Variants in PCDH11X observed in about 807,000 individuals in gnomAD.
The protein encoded by PCDH11X is protocadherin-11 X-linked.
A neutral mutation model predicts 53.3 loss-of-function variants in PCDH11X; 18 were observed. The ratio of observed to expected loss-of-function variants is 0.34; its 90% confidence interval spans 0.23 to 0.50. The LOEUF is 0.50. Ranked by LOEUF, PCDH11X falls within the 20% of genes least tolerant of loss-of-function variation. The pLI, the probability that PCDH11X is intolerant of heterozygous loss-of-function variation, is 0.98. For missense variants in PCDH11X, 570 were observed against 1,032.4 expected (o/e 0.55, Z 6.14); for synonymous variants, 279 against 393.3 (o/e 0.71, Z 3.44).
intron 10 of PCDH11X, among the ~76,000 whole-genome samples, chrX:92,552,034 A>T (rs1228425951): frequency 1.0e-5 from 1 of 97,065 alleles, no homozygotes; most frequent in Admixed American, 1.2e-4. Flanking sequence ...TAATTTGGGA[A>T]TTTTTGTGAT....
chrX:92,424,199 T>TTTC (rs1491373489), intron 9 of PCDH11X, among the ~76,000 whole-genome samples: 1 of 81,900 alleles, frequency 1.2e-5, no homozygotes, highest in African/African-American at 4.1e-5. Context: ...TTTTTTTTTT[T>TTTC]CCCTTGAGAA....
At chrX:92,012,587 T>A (rs1191367966) in intron 6 of PCDH11X, among the ~76,000 whole-genome samples, 3 of 111,948 alleles carry the variant, frequency 2.7e-5, no homozygotes, top group Non-Finnish European at 5.6e-5. Flanking sequence ...CAGATCTAAG[T>A]ACAATCAGTG....
intron 10 of PCDH11X, among the ~76,000 whole-genome samples, chrX:92,550,002 A>G (rs1428318660): frequency 9.1e-6 from 1 of 110,349 alleles, no homozygotes; most frequent in Non-Finnish European, 1.9e-5. Context: ...ATTATTGTAA[A>G]CTAGAGTAAT....
chrX:91,878,110 G>A lies in PCDH11X; in HGVS notation c.1870G>A (p.Val624Ile). The change falls in exon 6 of 11, where the codon GTC becomes ATC. Residue 624 changes from valine (V) to isoleucine (I), a missense_variant. Transcript: ENST00000682573. ...DDFTIDSQTG[V>I]IRPNISFDRE... ...CTTCACCATTGATTCACAAACTGGTGTCATCCGACCAAATATTTCATTTGA... is the reference window on the plus strand; with the variant it reads ...CTTCACCATTGATTCACAAACTGGTATCATCCGACCAAATATTTCATTTGA... 8 of 1,203,652 alleles carry A rather than the reference G, an allele frequency of 6.6e-6. No individual in the cohort carries two copies. Among genetic ancestry groups the A allele is most frequent in the Non-Finnish European group, 9.0e-6 (8 of 890,765 alleles).
chrX:91,968,288 T>C (rs1479508921), intron 6 of PCDH11X, among the ~76,000 whole-genome samples: 1 of 111,107 alleles, frequency 9.0e-6, no homozygotes, highest in African/African-American at 3.3e-5. Context: ...GTTCACACTG[T>C]TAAGTACTTA....
chrX:92,005,630 T>C (rs1374894564), intron 6 of PCDH11X, among the ~76,000 whole-genome samples: 1 of 112,122 alleles, frequency 8.9e-6, no homozygotes. Context: ...AAGATAATAG[T>C]AGTTTACATG....
chrX:91,811,132 C>T, intron 3 of PCDH11X, 105 bp from the exon 4 acceptor site: 1 of 845,410 alleles, frequency 1.2e-6, no homozygotes, highest in East Asian at 3.6e-5. Flanking sequence ...TATTGAAGCC[C>T]TATCTTTTCA....
At chrX:91,927,791 A>G (rs1602508780) in intron 6 of PCDH11X, among the ~76,000 whole-genome samples, 1 of 111,296 alleles carries the variant, frequency 9.0e-6, no homozygotes, top group Middle Eastern at 4.6e-3. Flanking sequence ...AATCATTCTG[A>G]AAGAGGCAAT....
chrX:92,380,837 A>ACCAT (rs1210282898), intron 8 of PCDH11X, among the ~76,000 whole-genome samples: 2 of 79,510 alleles, frequency 2.5e-5, no homozygotes, highest in Non-Finnish European at 4.7e-5. Flanking sequence ...TACTCCTTGG[A>ACCAT]CCATAGCATA....
chrX:92,339,400 T>C (rs1342913783), intron 8 of PCDH11X, among the ~76,000 whole-genome samples: 1 of 112,296 alleles, frequency 8.9e-6, no homozygotes, highest in African/African-American at 3.2e-5. Context: ...AATTGCAACC[T>C]GTATTAGCCC....
chrX:92,502,928 C>T (rs185604126), intron 10 of PCDH11X, among the ~76,000 whole-genome samples: 4 of 108,937 alleles, frequency 3.7e-5, no homozygotes, highest in African/African-American at 1.3e-4. Flanking sequence ...AACTATCATC[C>T]GAGTGAACAG....
intron 8 of PCDH11X, among the ~76,000 whole-genome samples, chrX:92,329,621 T>C (rs1459541830): frequency 9.0e-6 from 1 of 111,654 alleles, no homozygotes; most frequent in Non-Finnish European, 1.9e-5. Flanking sequence ...GTGGCACATA[T>C]ATACAATGGA....
intron 6 of PCDH11X, among the ~76,000 whole-genome samples, chrX:91,955,987 GA>G (rs2061703843): frequency 2.7e-5 from 3 of 109,680 alleles, no homozygotes; most frequent in African/African-American, 1.0e-4. Flanking sequence ...CTTTTGAATT[GA>G]AACTTTTACC....
chrX:92,098,636 CTTTT>C (rs34306564), intron 6 of PCDH11X, among the ~76,000 whole-genome samples: 2 of 43,902 alleles, frequency 4.6e-5, no homozygotes, highest in Non-Finnish European at 7.5e-5. Context: ...TCCAAATGCT[CTTTT>C]TTTTTTTTTT....
At chrX:92,078,916 T>G (rs2063815294) in intron 6 of PCDH11X, among the ~76,000 whole-genome samples, 1 of 110,528 alleles carries the variant, frequency 9.0e-6, no homozygotes, top group Non-Finnish European at 1.9e-5. Flanking sequence ...TCATAATACT[T>G]GTTTATTGTT....
chrX:92,514,503 G>A (rs1486432634), intron 10 of PCDH11X, among the ~76,000 whole-genome samples: 2 of 109,750 alleles, frequency 1.8e-5, no homozygotes, highest in Non-Finnish European at 3.8e-5. Flanking sequence ...GCCGAGGTGG[G>A]TGGATCACCT....
chrX:92,257,369 G>T (rs1409280396), intron 7 of PCDH11X, among the ~76,000 whole-genome samples: 1 of 110,456 alleles, frequency 9.1e-6, no homozygotes, highest in Admixed American at 9.6e-5. Context: ...TCTGCCCCTG[G>T]CCTCCCCCAA....
chrX:92,368,968 C>T (rs2070543440), intron 8 of PCDH11X, among the ~76,000 whole-genome samples: 1 of 103,450 alleles, frequency 9.7e-6, no homozygotes, highest in Non-Finnish European at 2.0e-5. Context: ...AGTCAGGAGG[C>T]ACTGGGGTCA....
At chrX:92,388,073 A>T (rs1386794759) in intron 9 of PCDH11X, 140 bp downstream of exon 9, 1 of 765,692 alleles carries the variant, frequency 1.3e-6, no homozygotes, top group African/African-American at 2.1e-5. Context: ...AACATACAGA[A>T]TTAGATGGAT....
Sources: allele counts gnomAD v4.1 joint callset (sites outside exome capture counted in the v4.1 genomes callset), GRCh38; gene constraint gnomAD v4.1.1; transcripts MANE v1.5; gene names NCBI Gene and HGNC (gene_info 2026-07-23, HGNC 2026-07-21).